DNAH17: variants seen among roughly 807,000 people sequenced by gnomAD.
DNAH17 encodes axonemal beta dynein heavy chain 17.
Under a neutral mutation model 485.6 loss-of-function variants are expected in DNAH17, and 376 were observed. The ratio of observed to expected loss-of-function variants is 0.77; its 90% CI spans 0.71 to 0.84. The LOEUF (loss-of-function observed/expected upper bound fraction) is 0.84, where lower values mean the gene tolerates loss of function less well. Among genes scored for constraint, DNAH17 ranks in the 40% least tolerant of loss-of-function variants. The pLI, the probability that DNAH17 is intolerant of heterozygous loss-of-function variation, is 0.00. For missense variants in DNAH17, 6,370 were observed against 5,839.3 expected (o/e 1.09, Z -2.96); for synonymous variants, 3,031 against 2,405.9 (o/e 1.26, Z -7.60).
intron 48 of DNAH17, among the ~76,000 whole-genome samples, chr17:78,483,455 C>T: frequency 6.6e-6 from 1 of 151,970 alleles, no homozygotes; most frequent in East Asian, 1.9e-4. Flanking sequence ...TATAGTTAAG[C>T]CCCGTTTCTA....
chr17:78,527,119 A>T (rs2091099787), intron 22 of DNAH17, 123 bp from the exon 23 acceptor site: 1 of 753,338 alleles, frequency 1.3e-6, no homozygotes, highest in Non-Finnish European at 2.1e-6. Flanking sequence ...GCGGTGGCTC[A>T]CACCTGTAAT....
chr17:78,541,735 C>A (rs1872086345), intron 17 of DNAH17, among the ~76,000 whole-genome samples: 1 of 152,082 alleles, frequency 6.6e-6, no homozygotes, highest in Non-Finnish European at 1.5e-5. Flanking sequence ...CCTCGCCTGC[C>A]CTCTTGCTAT....
intron 44 of DNAH17, 99 bp downstream of exon 44, chr17:78,490,600 G>T: frequency 1.4e-6 from 2 of 1,470,750 alleles, no homozygotes; most frequent in East Asian, 2.5e-5. Context: ...TACACAGTTT[G>T]TGACATGAAT....
At position 78,475,360 on chromosome 17, in the gene DNAH17, A is replaced by G. The variant is rs2088965994; in HGVS notation, c.8429T>C (p.Leu2810Pro). The G allele has an allele frequency of 3.7e-6, 6 of 1,613,816 alleles. No homozygotes were observed. The highest frequency in any genetic ancestry group is 5.1e-6 in the Non-Finnish European group (6 of 1,179,908). Reference sequence around the variant, plus strand: ...GCTGATGTACGCTGCCAGGCGGGAGAGGCTCTGTTTGCCACTGCCGCCCAC... The same window carrying G: ...GCTGATGTACGCTGCCAGGCGGGAGGGGCTCTGTTTGCCACTGCCGCCCAC... ...VGVGGSGKQS[L>P]SRLAAYISGL... Residue 2810 changes from leucine to proline, a missense_variant, in exon 54 of 81, where the codon CTC becomes CCC. Coordinates refer to ENST00000389840, the MANE Select transcript of DNAH17 (RefSeq NM_173628.4).
At chr17:78,530,536 C>G in intron 20 of DNAH17, 24 bp from the exon 21 acceptor site, 1 of 1,584,338 alleles carries the variant, frequency 6.3e-7, no homozygotes, top group African/African-American at 1.3e-5. Context: ...CCACCGGCGG[C>G]CTGTCATAGC....
intron 72 of DNAH17, among the ~76,000 whole-genome samples, chr17:78,439,551 C>G (rs1047833821): frequency 6.6e-6 from 1 of 151,636 alleles, no homozygotes; most frequent in African/African-American, 2.4e-5. Context: ...TTTATCCATT[C>G]TGGATATTTC....
At chr17:78,510,345 A>G in intron 27 of DNAH17, 39 bp downstream of exon 27, 1 of 1,603,826 alleles carries the variant, frequency 6.2e-7, no homozygotes. Flanking sequence ...TTTCAGGCTG[A>G]TCCCACGTTG....
rs2143696450 is a variant in DNAH17 at position 78,567,049 on chromosome 17, C to T, written c.1402G>A (p.Val468Met). 1.2e-6 allele frequency: 2 copies of T among 1,613,790 alleles called. No individual in the cohort carries two copies. The highest frequency in any genetic ancestry group is 4.5e-5 in the East Asian group (2 of 44,880). ...TRIYDEVFEL[V>M]KVFADCKYDP... ...TATTTGCAGTCGGCAAAAACCTTCA[C>T]CAGCTCAAAGACCTCATCATAGATA... The change falls in exon 10 of 81, where the codon GTG becomes ATG. Residue 468 changes from valine (V) to methionine (M), a missense_variant. Physicochemically the swap from Val to Met is conservative, Grantham distance 21 (BLOSUM62 1). Coordinates refer to ENST00000389840, the MANE Select transcript of DNAH17 (RefSeq NM_173628.4).
intron 19 of DNAH17, among the ~76,000 whole-genome samples, chr17:78,533,975 T>C (rs528037684): frequency 1.1e-4 from 16 of 152,296 alleles, no homozygotes; most frequent in African/African-American, 3.6e-4. Flanking sequence ...CGTGAGCCAA[T>C]GCGCCCAGCC....
At chr17:78,481,065 G>A (rs527581993) in intron 48 of DNAH17, among the ~76,000 whole-genome samples, 48 of 139,292 alleles carry the variant, frequency 3.4e-4, no homozygotes, top group Admixed American at 6.5e-4. Flanking sequence ...AAAGTGCTGA[G>A]ATTACAAGTG....
intron 72 of DNAH17, among the ~76,000 whole-genome samples, 183 bp from the exon 73 acceptor site, chr17:78,439,400 A>G (rs2086981376): frequency 6.6e-6 from 1 of 152,126 alleles, no homozygotes; most frequent in South Asian, 2.1e-4. Context: ...GACATTCAGT[A>G]TATTCACAAT....
intron 51 of DNAH17, among the ~76,000 whole-genome samples, 179 bp from the exon 52 acceptor site, chr17:78,476,912 G>A (rs769033004): frequency 1.4e-4 from 22 of 152,128 alleles, no homozygotes; most frequent in African/African-American, 2.4e-4. Context: ...CAAAAATCCC[G>A]GATGCCAGTG....
In DNAH17 at chr17:78,444,815, G is replaced by T. The variant is rs371805890; in HGVS notation, c.11335-18C>A. On this transcript the variant is annotated intron_variant, in intron 70 of 80. Coordinates refer to ENST00000389840, the MANE Select transcript of DNAH17 (RefSeq NM_173628.4). ...GAGAGGGCCTAGGGGCAGAGGCAGCGGGCCCTGTGACTCTTCCCACTTACC... is the reference window on the plus strand; with the variant it reads ...GAGAGGGCCTAGGGGCAGAGGCAGCTGGCCCTGTGACTCTTCCCACTTACC... 6.5e-7 allele frequency: 1 copy of T among 1,545,702 alleles called. No homozygotes were observed.
intron 7 of DNAH17, 96 bp from the exon 8 acceptor site, chr17:78,569,623 A>G: frequency 7.1e-7 from 1 of 1,402,024 alleles, no homozygotes. Context: ...CTGTTCTGAC[A>G]TATGGATATC....
At chr17:78,531,709 T>A (rs1196533092) in intron 20 of DNAH17, among the ~76,000 whole-genome samples, 1 of 152,202 alleles carries the variant, frequency 6.6e-6, no homozygotes, top group Admixed American at 6.5e-5. Context: ...TTGTGTGGAA[T>A]CTCTTTTTCT....
Position 78,466,728 on chromosome 17 carries a change from C to A in DNAH17, c.8867G>T (p.Trp2956Leu). Residue 2956 changes from tryptophan to leucine, a missense_variant, in exon 56 of 81, where the codon TGG becomes TTG. Trp to Leu is a moderately conservative substitution (Grantham distance 61). Coordinates refer to ENST00000389840, the MANE Select transcript of DNAH17 (RefSeq NM_173628.4). Reference sequence around the variant, plus strand: ...CGCATCTTCCGGCCACTCGTGGAACCAGTCGATGGCCGTGCAGTTGACCAC... The same window carrying A: ...CGCATCTTCCGGCCACTCGTGGAACAAGTCGATGGCCGTGCAGTTGACCAC... ...PAVVNCTAID[W>L]FHEWPEDALV... The A allele has an allele frequency of 1.2e-6, 2 of 1,613,006 alleles. No individual in the cohort carries two copies. The highest frequency in any genetic ancestry group is 1.7e-6 in the Non-Finnish European group (2 of 1,179,608).
In DNAH17 at chr17:78,441,187, C is replaced by G. The variant is rs1230757606; in HGVS notation, c.11541G>C (p.Glu3847Asp). 1.9e-6 allele frequency: 3 copies of G among 1,613,862 alleles called. No homozygotes were observed. The highest frequency in any genetic ancestry group is 2.5e-6 in the Non-Finnish European group (3 of 1,179,876). The change falls in exon 72 of 81, where the codon GAG becomes GAC. Residue 3847 changes from glutamate to aspartate, a missense_variant. Glu to Asp is a conservative substitution (Grantham distance 45, BLOSUM62 2). Coordinates refer to ENST00000389840, the MANE Select transcript of DNAH17 (RefSeq NM_173628.4). ...CCACGAACTTGCTGCCCATCTTTTC[C>G]TCCACGAAGTTCCTAGGGGTGGAGT... is the stretch of plus-strand genomic sequence containing the variant. ...RMTYAIKNFV[E>D]EKMGSKFVEG...
Position 78,502,890 on chromosome 17 carries a change from G to T in DNAH17, c.5078C>A (p.Ala1693Asp). ...GAGCCCCCACCCGCCTCAGACCTGG[G>T]CTGGGTAGTCCAGGATCCACTGCTC... Reference protein sequence around the residue: ...PREQWILDYPAQVALTCTQIW... With the variant: ...PREQWILDYPDQVALTCTQIW... Residue 1693 changes from alanine (A) to aspartate (D), a missense_variant, in exon 32 of 81, where the codon GCC (alanine) becomes GAC (aspartate). Physicochemically the swap from Ala to Asp is moderately radical, Grantham distance 126. Coordinates refer to ENST00000389840, the MANE Select transcript of DNAH17 (RefSeq NM_173628.4). 3 of 1,613,820 alleles carry T rather than the reference G, an allele frequency of 1.9e-6. No homozygotes were observed. In the South Asian group the frequency reaches 3.3e-5, roughly 18 times the overall value.
At chr17:78,480,970 C>T (rs184457859) in intron 48 of DNAH17, among the ~76,000 whole-genome samples, 184 bp from the exon 49 acceptor site, 1 of 152,098 alleles carries the variant, frequency 6.6e-6, no homozygotes, top group African/African-American at 2.4e-5. Flanking sequence ...TAATTTTTTG[C>T]ATTTTTAGTT....
Sources: gnomAD v4.1 joint callset for allele counts (sites outside exome capture counted in the v4.1 genomes callset) on GRCh38, gnomAD v4.1.1 for gene constraint, MANE v1.5 for transcripts, NCBI Gene and HGNC (gene_info 2026-07-23, HGNC 2026-07-21) for gene names.